LYST: variants seen among roughly 807,000 people sequenced by gnomAD.
LYST encodes the protein lysosomal-trafficking regulator.
In LYST, 192 loss-of-function variants were observed where a neutral mutation model predicts 413.6. The ratio of observed to expected loss-of-function variants is 0.46; its 90% confidence interval spans 0.41 to 0.52. LYST has a LOEUF of 0.52. Among genes scored for constraint, LYST ranks in the 20% least tolerant of loss-of-function variants. The pLI is 0.00. For synonymous variants in LYST, 1,525 were observed against 1,567.3 expected, an observed-to-expected ratio of 0.97 and a Z score of 0.64; for missense variants, 3,815 against 4,499.9, an observed-to-expected ratio of 0.85 and a Z score of 4.35.
intron 1 of LYST, among the ~76,000 whole-genome samples, chr1:235,857,821 G>A (rs966676794): frequency 7.3e-5 from 11 of 151,302 alleles, no homozygotes; most frequent in African/African-American, 2.7e-4. Flanking sequence ...AGAGAGAAGA[G>A]AGGGTTAAGA....
chr1:235,839,270 T>G (rs1249563030), intron 1 of LYST, among the ~76,000 whole-genome samples: 1 of 151,698 alleles, frequency 6.6e-6, no homozygotes, highest in Admixed American at 6.6e-5. Flanking sequence ...TACAGTTTTT[T>G]TTTTGAGACA....
chr1:235,754,802 G>A (rs1357158878), intron 25 of LYST, among the ~76,000 whole-genome samples: 1 of 152,044 alleles, frequency 6.6e-6, no homozygotes, highest in Non-Finnish European at 1.5e-5. Context: ...TGCCGGGTGT[G>A]GTGGCCCACA....
intron 28 of LYST, 130 bp from the exon 29 acceptor site, chr1:235,746,657 A>C (rs1257347536): frequency 2.8e-6 from 2 of 711,278 alleles, no homozygotes; most frequent in East Asian, 2.7e-5. Flanking sequence ...AATTTATAGA[A>C]AGGAAAGAGT....
chr1:235,769,345 G>A (rs1281841912), intron 20 of LYST, among the ~76,000 whole-genome samples: 5 of 152,034 alleles, frequency 3.3e-5, no homozygotes, highest in African/African-American at 1.2e-4. Context: ...ATAAGATGAA[G>A]CTAGAATGGT....
At chr1:235,831,633 T>C (rs1675993651) in intron 2 of LYST, among the ~76,000 whole-genome samples, 1 of 152,192 alleles carries the variant, frequency 6.6e-6, no homozygotes, top group Non-Finnish European at 1.5e-5. Flanking sequence ...TTTAATTCTT[T>C]GATTCCCATC....
intron 39 of LYST, among the ~76,000 whole-genome samples, chr1:235,723,035 T>C (rs569504100): frequency 6.6e-6 from 1 of 152,320 alleles, no homozygotes; most frequent in African/African-American, 2.4e-5. Context: ...AGTCAGACTC[T>C]CGATGTATTC....
chr1:235,827,853 T>C lies in LYST; in HGVS notation c.192+2373A>G, dbSNP rs187101020. ...GAGAAAGTATTCTATTTACCATATA[T>C]ACAAAGAAAATACCGTATTTGGAAT... On this transcript the variant is annotated intron_variant, in intron 3 of 52. Transcript: ENST00000389793. 171 of 789,588 alleles carry C rather than the reference T, an allele frequency of 2.2e-4. No individual in the cohort carries two copies. In the African/African-American group the frequency reaches 2.9e-3, roughly 13 times the overall value. The allele number at this position is 789,588 out of a possible 1,614,324, so 48.9% of individuals were successfully genotyped here. A position where few individuals can be genotyped will look rare whatever the true frequency, so the allele number is the denominator to read the frequency against.
Position 235,753,256 on chromosome 1 carries a change from C to T in LYST, c.7248G>A (p.Val2416=). 1 of 1,594,710 alleles carries T rather than the reference C, an allele frequency of 6.3e-7. No individual in the cohort carries two copies. The highest frequency in any genetic ancestry group is 8.6e-7 in the Non-Finnish European group (1 of 1,162,690). Residue 2416 remains valine (V), a synonymous_variant, in exon 26 of 53, where the codon GTG becomes GTA. Coordinates refer to ENST00000389793, the MANE Select transcript of LYST (RefSeq NM_000081.4). ...GLDEEFDLED[V]RNMGLFQKWS... is the part of the protein sequence containing the mutation. ...ACTTCTGAAACAATCCCATGTTTCT[C>T]ACATCTTCCAGATCAAATCTATAAT...
intron 1 of LYST, among the ~76,000 whole-genome samples, chr1:235,844,831 A>G (rs1379526402): frequency 2.0e-5 from 3 of 152,250 alleles, no homozygotes; most frequent in Non-Finnish European, 2.9e-5. Flanking sequence ...TAAGCCAGTT[A>G]AAACATATCA....
At chr1:235,826,908 C>G (rs951071967) in intron 3 of LYST, among the ~76,000 whole-genome samples, 24 of 151,924 alleles carry the variant, frequency 1.6e-4, no homozygotes, top group African/African-American at 5.8e-4. Flanking sequence ...GTCTCGAACT[C>G]CAGGCCTCAA....
At position 235,787,283 on chromosome 1, in the gene LYST, T is replaced by C. The variant is rs536275804; in HGVS notation, c.4779A>G (p.Gln1593=). Residue 1593 remains glutamine, a synonymous_variant, in exon 14 of 53, where the codon CAA becomes CAG. Transcript: ENST00000389793. ...GCTGTAAGTAGGTGAGTACTAAATG[T>C]TGCCATTTGCTTGGGAGGAAAATAT... The part of the protein sequence containing the change: ...QENIFLPSKW[Q]HLVLTYLQQP... 5.0e-6 allele frequency: 8 copies of C among 1,613,568 alleles called. No homozygotes were observed. The African/African-American group carries it at 9.3e-5, about 19-fold the overall frequency.
chr1:235,695,349 A>C, intron 46 of LYST, among the ~76,000 whole-genome samples: 1 of 152,242 alleles, frequency 6.6e-6, no homozygotes, highest in Admixed American at 6.5e-5. Flanking sequence ...CAAGGATGCA[A>C]AACTCAGGAA....
chr1:235,731,879 G>C, intron 34 of LYST, among the ~76,000 whole-genome samples: 1 of 151,884 alleles, frequency 6.6e-6, no homozygotes, highest in East Asian at 1.9e-4. Flanking sequence ...ACTCTCTAAT[G>C]AAACAAATAA....
At chr1:235,773,729 G>T in intron 19 of LYST, 113 bp downstream of exon 19, 2 of 843,054 alleles carry the variant, frequency 2.4e-6, no homozygotes, top group Non-Finnish European at 3.9e-6. Context: ...GGACAACACT[G>T]TAAATGCACT....
chr1:235,733,681 G>A lies in LYST; in HGVS notation c.8623C>T (p.Arg2875Cys), dbSNP rs757503541. 29 of 1,612,178 alleles carry A rather than the reference G, an allele frequency of 1.8e-5. No individual in the cohort carries two copies. The highest frequency in any genetic ancestry group is 1.2e-4 in the Admixed American group (7 of 59,962). ...ATATCCTTTGATTTTGAATCCAGACGCTGAAAGAGACTAAACAAATAATAA... is the reference window on the plus strand; with the variant it reads ...ATATCCTTTGATTTTGAATCCAGACACTGAAAGAGACTAAACAAATAATAA... The part of the protein sequence containing the change: ...VNNNQQSLFQ[R>C]LDSKSKDISK... The change falls in exon 34 of 53, where the codon CGT becomes TGT. Residue 2875 changes from arginine to cysteine, a missense_variant. By Grantham distance (180) the Arg-to-Cys change is radical. Around this residue, in one of 4 missense-constraint regions of LYST, gnomAD observed 866 missense variants for 1,156.0 expected, o/e 0.75. Coordinates refer to ENST00000389793, the MANE Select transcript of LYST (RefSeq NM_000081.4).
intron 46 of LYST, among the ~76,000 whole-genome samples, chr1:235,696,612 T>C (rs1490622508): frequency 6.6e-6 from 1 of 152,242 alleles, no homozygotes; most frequent in African/African-American, 2.4e-5. Flanking sequence ...CTTTCCCACA[T>C]GTTGCTTTTA....
intron 48 of LYST, among the ~76,000 whole-genome samples, chr1:235,685,498 G>A (rs1660142475): frequency 2.0e-5 from 3 of 152,048 alleles, no homozygotes; most frequent in Admixed American, 2.0e-4. Flanking sequence ...TTATACCTCA[G>A]TGACCATGCA....
intron 45 of LYST, among the ~76,000 whole-genome samples, chr1:235,701,931 T>C (rs1302807527): frequency 6.6e-6 from 1 of 152,230 alleles, no homozygotes; most frequent in Non-Finnish European, 1.5e-5. Flanking sequence ...CATAAAGTAA[T>C]ATTACAAGGA....
rs374429343 is a variant in LYST, at chr1:235,728,061, T to C, written c.9162+15A>G. 131 of 1,592,504 alleles carry C rather than the reference T, an allele frequency of 8.2e-5. No homozygotes were observed. Among genetic ancestry groups the C allele is most frequent in the Non-Finnish European group, 1.1e-4 (124 of 1,160,598 alleles). ...GTCTAGATTTATGTAAATACAGACT[T>C]AAGCCTCTACTCACCGAACTTTCAA... On this transcript the variant is annotated intron_variant, in intron 38 of 52. Transcript: ENST00000389793.
Sources: allele counts gnomAD v4.1 joint callset (sites outside exome capture counted in the v4.1 genomes callset), GRCh38; gene constraint gnomAD v4.1.1; regional missense constraint gnomAD v4.1.1; transcripts MANE v1.5; gene names NCBI Gene and HGNC (gene_info 2026-07-23, HGNC 2026-07-21).